The following CDH13 variants were observed in gnomAD, a reference collection of about 807,000 sequenced individuals.
CDH13 encodes cadherin 13.
In CDH13, 24 loss-of-function variants were observed where a neutral mutation model predicts 63.8. The ratio of observed to expected loss-of-function variants is 0.38; its 90% confidence interval spans 0.27 to 0.53. CDH13 has a LOEUF of 0.53. CDH13 is among the 20% of genes least tolerant of loss of function. The pLI, the probability that CDH13 is intolerant of heterozygous loss-of-function variation, is 0.85. For synonymous variants in CDH13, 503 were observed against 355.3 expected (o/e 1.42, Z -4.67); for missense variants, 1,049 against 903.1 (o/e 1.16, Z -2.07).
At chr16:83,035,224 A>C (rs1916742178) in intron 3 of CDH13, among the ~76,000 whole-genome samples, 1 of 152,180 alleles carries the variant, frequency 6.6e-6, no homozygotes, top group South Asian at 2.1e-4. Flanking sequence ...CAAGTGGGCC[A>C]GCTGCTAGAG....
At chr16:83,019,362 G>C (rs945360525) in intron 2 of CDH13, among the ~76,000 whole-genome samples, 1 of 152,082 alleles carries the variant, frequency 6.6e-6, no homozygotes, top group South Asian at 2.1e-4. Context: ...ACTGTATTCT[G>C]CCTCCACATT....
chr16:82,936,112 G>A (rs953172640), intron 2 of CDH13, among the ~76,000 whole-genome samples: 3 of 151,994 alleles, frequency 2.0e-5, no homozygotes, highest in African/African-American at 7.2e-5. Flanking sequence ...CTGTACATGT[G>A]GCTGGCAGAG....
At chr16:83,285,138 C>T (rs560674134) in intron 5 of CDH13, among the ~76,000 whole-genome samples, 22 of 152,154 alleles carry the variant, frequency 1.4e-4, no homozygotes, top group African/African-American at 5.3e-4. Context: ...ACCAGAGTAT[C>T]GATGTGATCC....
In CDH13 at chr16:83,472,103, TG is replaced by T. The variant is rs202099567; in HGVS notation, c.782-14373del. Among the ~76,000 whole-genome samples, 782 of 152,310 alleles carry T rather than the reference TG, an allele frequency of 5.1e-3. 6 individuals are homozygous for T. Among genetic ancestry groups the T allele is most frequent in the African/African-American group, 0.018 (735 of 41,556 alleles). On this transcript the variant is annotated intron_variant, in intron 6 of 13. Transcript: ENST00000567109. ...ACAGTGTCCTGGGCTGAATGTTACATGTAGTCACTCACTTAATCCATGCACC... is the reference window on the plus strand; with the variant it reads ...ACAGTGTCCTGGGCTGAATGTTACATTAGTCACTCACTTAATCCATGCACC...
At chr16:83,409,205 A>G (rs1053350890) in intron 6 of CDH13, among the ~76,000 whole-genome samples, 2 of 151,294 alleles carry the variant, frequency 1.3e-5, no homozygotes, top group African/African-American at 4.8e-5. Context: ...AGGAAACAAT[A>G]AAAAATAGTG....
chr16:82,684,833 T>C (rs1245353260), intron 1 of CDH13, among the ~76,000 whole-genome samples: 3 of 152,198 alleles, frequency 2.0e-5, no homozygotes, highest in African/African-American at 7.2e-5. Flanking sequence ...TGTGCTTTCT[T>C]AAGGCCACAG....
chr16:83,480,484 A>G (rs1004075080), intron 6 of CDH13, among the ~76,000 whole-genome samples: 1 of 152,158 alleles, frequency 6.6e-6, no homozygotes, highest in Non-Finnish European at 1.5e-5. Flanking sequence ...TTAGGAGAGA[A>G]CTGGCTCATG....
At chr16:83,040,028 TC>T (rs2151486533) in intron 3 of CDH13, among the ~76,000 whole-genome samples, 1 of 151,688 alleles carries the variant, frequency 6.6e-6, no homozygotes, top group Admixed American at 6.6e-5. Flanking sequence ...CAGTCTGCTT[TC>T]TTCTGCTTGT....
rs142556051 is a variant in CDH13, at chr16:82,851,001, T to G, written c.46-7361T>G. 3.7e-3 allele frequency among the ~76,000 whole-genome samples: 560 copies of G among 152,348 alleles called. 5 individuals are homozygous for G. The highest frequency in any genetic ancestry group is 0.02 in the Middle Eastern group (6 of 294). On this transcript the variant is annotated intron_variant, in intron 1 of 13. Transcript: ENST00000567109. ...TCACTTTATTGTAATATTTGTTTTA[T>G]TGCTATGGTCTGGAACCGAACCTGC...
At chr16:83,365,450 T>C (rs1303726902) in intron 6 of CDH13, among the ~76,000 whole-genome samples, 1 of 152,210 alleles carries the variant, frequency 6.6e-6, no homozygotes, top group Non-Finnish European at 1.5e-5. Flanking sequence ...GTTGCCCAAG[T>C]ACCTGGTTAC....
chr16:82,639,470 A>G (rs1909117509), intron 1 of CDH13: 1 of 1,519,226 alleles, frequency 6.6e-7, no homozygotes, highest in African/African-American at 1.4e-5. Flanking sequence ...ATGCAGGTAA[A>G]TTTGCCTGCT....
At chr16:83,093,151 A>G (rs2034002985) in intron 3 of CDH13, among the ~76,000 whole-genome samples, 1 of 152,006 alleles carries the variant, frequency 6.6e-6, no homozygotes, top group South Asian at 2.1e-4. Flanking sequence ...GCTAAAGCGA[A>G]CTTCTTGTTC....
At chr16:82,665,524 C>A (rs1912482960) in intron 1 of CDH13, among the ~76,000 whole-genome samples, 1 of 152,088 alleles carries the variant, frequency 6.6e-6, no homozygotes, top group Admixed American at 6.5e-5. Context: ...AACATAAGTA[C>A]CATAAATAAG....
intron 1 of CDH13, among the ~76,000 whole-genome samples, chr16:82,630,392 G>A (rs1907862470): frequency 6.6e-6 from 1 of 152,118 alleles, no homozygotes; most frequent in Non-Finnish European, 1.5e-5. Flanking sequence ...TATGTAATCT[G>A]GAATTTGTGT....
At chr16:83,454,138 C>T (rs1212929903) in intron 6 of CDH13, among the ~76,000 whole-genome samples, 1 of 152,206 alleles carries the variant, frequency 6.6e-6, no homozygotes, top group Non-Finnish European at 1.5e-5. Context: ...CCTCAGTTAG[C>T]AACTGCAAGT....
chr16:82,945,043 G>A (rs1034748908), intron 2 of CDH13, among the ~76,000 whole-genome samples: 2 of 152,104 alleles, frequency 1.3e-5, no homozygotes, highest in Non-Finnish European at 2.9e-5. Context: ...AGCTTCCTGA[G>A]AGCCAAAACA....
At chr16:82,730,527 T>TA (rs1458779911) in intron 1 of CDH13, among the ~76,000 whole-genome samples, 2 of 152,192 alleles carry the variant, frequency 1.3e-5, no homozygotes, top group Non-Finnish European at 2.9e-5. Context: ...CCAAAACAGT[T>TA]ACAATAGTAA....
At chr16:83,650,307 T>C (rs1403339157) in intron 8 of CDH13, among the ~76,000 whole-genome samples, 2 of 152,232 alleles carry the variant, frequency 1.3e-5, no homozygotes, top group Non-Finnish European at 2.9e-5. Flanking sequence ...TCAATAATTT[T>C]CATAATAATT....
chr16:83,361,912 A>G lies in CDH13; in HGVS notation c.781+16906A>G, dbSNP rs2091169587. Among the ~76,000 whole-genome samples, 9 of 152,080 alleles carry G rather than the reference A, an allele frequency of 5.9e-5. No homozygotes were observed. In the South Asian group the frequency reaches 1.9e-3, roughly 32 times the overall value. ...TAGGATTGCTTTGGCTATTTGGGGTATTTTTTGGTTGTATATGAATTTTAA... is the reference window on the plus strand; with the variant it reads ...TAGGATTGCTTTGGCTATTTGGGGTGTTTTTTGGTTGTATATGAATTTTAA... On this transcript the variant is annotated intron_variant, in intron 6 of 13. Transcript: ENST00000567109.
Sources: allele counts gnomAD v4.1 joint callset (sites outside exome capture counted in the v4.1 genomes callset), GRCh38; gene constraint gnomAD v4.1.1; transcripts MANE v1.5; gene names NCBI Gene and HGNC (gene_info 2026-07-23, HGNC 2026-07-21).